TFPI: variants seen among roughly 807,000 people sequenced by gnomAD.
TFPI encodes tissue factor pathway inhibitor, also known as anti-convertin.
Under a neutral mutation model 34.6 loss-of-function variants are expected in TFPI, and 15 were observed. The ratio of observed to expected loss-of-function variants is 0.43; its 90% CI spans 0.29 to 0.67. TFPI has a LOEUF of 0.67. Ranked by LOEUF, TFPI falls within the 30% of genes least tolerant of loss-of-function variation. The pLI is 0.15. For synonymous variants in TFPI, 105 were observed against 120.1 expected (o/e 0.87, Z 0.82); for missense variants, 301 against 364.0 (o/e 0.83, Z 1.41).
intron 1 of TFPI, among the ~76,000 whole-genome samples, chr2:187,541,916 C>T (rs1274220936): frequency 1.3e-5 from 2 of 152,108 alleles, no homozygotes; most frequent in African/African-American, 4.8e-5. Context: ...CAATGTCTAA[C>T]GCACAGAGTG....
At chr2:187,478,765 C>A (rs766498663) in intron 6 of TFPI, 1 of 1,613,726 alleles carries the variant, frequency 6.2e-7, no homozygotes, top group East Asian at 2.2e-5. Flanking sequence ...TAAATATGAG[C>A]CGCATTCTTC....
At chr2:187,541,533 C>T (rs1410380015) in intron 1 of TFPI, among the ~76,000 whole-genome samples, 5 of 152,166 alleles carry the variant, frequency 3.3e-5, no homozygotes, top group Admixed American at 3.3e-4. Flanking sequence ...TAAAAAGCCC[C>T]ATATGTAGCT....
intron 1 of TFPI, among the ~76,000 whole-genome samples, chr2:187,511,140 G>A (rs1686599739): frequency 6.6e-6 from 1 of 152,164 alleles, no homozygotes; most frequent in African/African-American, 2.4e-5. Context: ...TGCACGGCAG[G>A]CCCCCGCAGA....
chr2:187,488,185 G>C, intron 4 of TFPI, 152 bp downstream of exon 4: 1 of 536,764 alleles, frequency 1.9e-6, no homozygotes, highest in Non-Finnish European at 3.3e-6. Flanking sequence ...TCTCTTTTAT[G>C]GATTTTTTTA....
chr2:187,490,768 TTC>T (rs1261872462), intron 3 of TFPI, among the ~76,000 whole-genome samples: 1 of 151,796 alleles, frequency 6.6e-6, no homozygotes, highest in Non-Finnish European at 1.5e-5. Context: ...GCAATTTGAT[TTC>T]TGTTTCTCAT....
intron 6 of TFPI, among the ~76,000 whole-genome samples, chr2:187,472,480 T>A (rs1364138235): frequency 6.6e-6 from 1 of 152,198 alleles, no homozygotes; most frequent in Non-Finnish European, 1.5e-5. Context: ...CACAAATTTA[T>A]ATGCCTACAA....
At chr2:187,511,491 T>C (rs1426685044) in intron 1 of TFPI, among the ~76,000 whole-genome samples, 1 of 152,144 alleles carries the variant, frequency 6.6e-6, no homozygotes, top group East Asian at 1.9e-4. Context: ...GAAGCATGGG[T>C]CAGGCACAAA....
At chr2:187,499,001 T>C (rs1321145423) in intron 2 of TFPI, among the ~76,000 whole-genome samples, 1 of 152,066 alleles carries the variant, frequency 6.6e-6, no homozygotes, top group African/African-American at 2.4e-5. Context: ...ATTTTTAAAA[T>C]AATTTTAAAC....
At chr2:187,522,727 C>A (rs374473895) in intron 1 of TFPI, among the ~76,000 whole-genome samples, 213 of 111,496 alleles carry the variant, frequency 1.9e-3, no homozygotes, top group Middle Eastern at 4.7e-3. Context: ...ACTAAAAATA[C>A]AAAAAAAAAA....
intron 3 of TFPI, among the ~76,000 whole-genome samples, chr2:187,492,956 T>C (rs961611200): frequency 1.3e-5 from 2 of 152,118 alleles, no homozygotes. Context: ...AAGTGCATGG[T>C]GCAAGCTGTC....
In TFPI at chr2:187,524,477, A is replaced by G. The variant is rs906366661; in HGVS notation, c.-2-20707T>C. Among the ~76,000 whole-genome samples, 6 of 152,162 alleles carry G rather than the reference A, an allele frequency of 3.9e-5. No individual in the cohort carries two copies. In the South Asian group the frequency reaches 1.2e-3, roughly 32 times the overall value. ...CACCACTAAAATGTTTTCTATTCTT[A>G]GCACAGGCACTTTACATAGGATTCA... On this transcript the variant is annotated intron_variant, in intron 1 of 7. Transcript: ENST00000233156.
chr2:187,487,442 C>T (rs1235450805), intron 4 of TFPI, among the ~76,000 whole-genome samples: 5 of 151,260 alleles, frequency 3.3e-5, no homozygotes, highest in African/African-American at 1.2e-4. Context: ...CAATGTGTCA[C>T]AGAAATTTTC....
chr2:187,480,140 TTA>T (rs1692732107), intron 6 of TFPI, among the ~76,000 whole-genome samples: 1 of 152,056 alleles, frequency 6.6e-6, no homozygotes, highest in African/African-American at 2.4e-5. Context: ...TCTTAAAATA[TTA>T]GTCATGATTT....
chr2:187,497,807 A>C (rs1685586485), intron 2 of TFPI, among the ~76,000 whole-genome samples: 1 of 151,876 alleles, frequency 6.6e-6, no homozygotes, highest in African/African-American at 2.4e-5. Flanking sequence ...TTTTTTAAAC[A>C]TTTTATTTTT....
chr2:187,496,828 T>C (rs1321410629), intron 3 of TFPI, 53 bp downstream of exon 3: 8 of 1,467,516 alleles, frequency 5.5e-6, no homozygotes, highest in Non-Finnish European at 7.5e-6. Context: ...AATCCATAAT[T>C]AGACTCAATA....
chr2:187,522,899 TAAATAAATAAATA>T lies in TFPI; in HGVS notation c.-2-19142_-2-19130del, dbSNP rs1252836176. On this transcript the variant is annotated intron_variant, in intron 1 of 7. Transcript: ENST00000233156. Reference sequence around the variant, plus strand: ...GAGCGAGACTGTGTCTCAAAATAAATAAATAAATAAATAAATAAATAAATAAATAAATAATAAA... The same window carrying T: ...GAGCGAGACTGTGTCTCAAAATAAATAATAAATAAATAAATAAATAATAAA... Among the ~76,000 whole-genome samples the T allele has an allele frequency of 1.1e-4, 6 of 52,624 alleles. No homozygotes were observed. In the East Asian group the frequency reaches 4.2e-3, roughly 37 times the overall value. 34.5% of individuals were successfully genotyped at this position (52,624 alleles called of 152,430 possible). A position where few individuals can be genotyped will look rare whatever the true frequency, so the allele number is the denominator to read the frequency against.
At chr2:187,520,706 A>G (rs908877002) in intron 1 of TFPI, 2 of 152,058 alleles carry the variant, frequency 1.3e-5, no homozygotes, top group Admixed American at 1.3e-4. Context: ...TATCTATATA[A>G]ATTGTTCGGA....
chr2:187,490,843 T>G (rs1466354827), intron 3 of TFPI, among the ~76,000 whole-genome samples: 2 of 151,814 alleles, frequency 1.3e-5, no homozygotes, highest in Non-Finnish European at 3.0e-5. Flanking sequence ...ATTGAATATT[T>G]TAATAATAAT....
At chr2:187,526,099 T>G (rs1460987139) in intron 1 of TFPI, among the ~76,000 whole-genome samples, 1 of 152,120 alleles carries the variant, frequency 6.6e-6, no homozygotes, top group Non-Finnish European at 1.5e-5. Flanking sequence ...AAGCAATCCT[T>G]GAAAACCTCT....
Sources: gnomAD v4.1 joint callset for allele counts (sites outside exome capture counted in the v4.1 genomes callset) on GRCh38, gnomAD v4.1.1 for gene constraint, MANE v1.5 for transcripts, NCBI Gene and HGNC (gene_info 2026-07-23, HGNC 2026-07-21) for gene names.